Variants in RANBP2 observed in about 807,000 individuals in gnomAD.
RANBP2 encodes E3 SUMO-protein ligase RanBP2.
RANBP2 carries 57 observed loss-of-function variants against 303.6 expected under a neutral mutation model. That is an observed-to-expected ratio of 0.19 (90% CI 0.15 to 0.23). RANBP2 has a LOEUF of 0.23. Ranked by LOEUF, RANBP2 falls within the 10% of genes least tolerant of loss-of-function variation. RANBP2 has a pLI of 1.00. For missense variants in RANBP2, 3,138 were observed against 3,780.8 expected (o/e 0.83, Z 4.46); for synonymous variants, 1,167 against 1,301.5 (o/e 0.90, Z 2.23).
the RANBP2 span, among the ~76,000 whole-genome samples, chr2:109,424,015 G>A: frequency 5.3e-4 from 81 of 152,324 alleles, no homozygotes; most frequent in Middle Eastern, 6.8e-3. Flanking sequence ...CTGCAGGGCC[G>A]GTTGCAGTGG....
chr2:109,435,746 C>T, the RANBP2 span, among the ~76,000 whole-genome samples: 1 of 152,246 alleles, frequency 6.6e-6, no homozygotes, highest in Non-Finnish European at 1.5e-5. Flanking sequence ...AGTGACTCAT[C>T]ATTTGTGAGC....
At chr2:109,238,324 T>G in the RANBP2 span, among the ~76,000 whole-genome samples, 1 of 152,218 alleles carries the variant, frequency 6.6e-6, no homozygotes, top group South Asian at 2.1e-4. Context: ...TTTAAAAATC[T>G]TATAAATCTA....
At chr2:109,593,098 T>C in the RANBP2 span, 1 of 1,600,616 alleles carries the variant, frequency 6.2e-7, no homozygotes. Flanking sequence ...GTTGTTTTCG[T>C]TGCCATGTGA....
At chr2:109,419,666 G>A in the RANBP2 span, 18 of 1,550,432 alleles carry the variant, frequency 1.2e-5, no homozygotes, top group African/African-American at 1.4e-5. Flanking sequence ...TGTGTCTGTC[G>A]GGGTCCTGTG....
intron 7 of RANBP2, among the ~76,000 whole-genome samples, chr2:108,741,477 C>G (rs1458730066): frequency 7.6e-6 from 1 of 130,856 alleles, no homozygotes; most frequent in African/African-American, 2.9e-5. Context: ...ATTACAGGCG[C>G]AAGCCACTGC....
chr2:109,232,275 A>G, the RANBP2 span, among the ~76,000 whole-genome samples: 1 of 152,212 alleles, frequency 6.6e-6, no homozygotes, highest in South Asian at 2.1e-4. Flanking sequence ...GCCAACACAT[A>G]CTATGAACTG....
At chr2:108,728,001 C>G (rs1012642547) in intron 1 of RANBP2, among the ~76,000 whole-genome samples, 1 of 152,112 alleles carries the variant, frequency 6.6e-6, no homozygotes, top group Non-Finnish European at 1.5e-5. Flanking sequence ...TTATTTCTGC[C>G]TTTTTGACTC....
the RANBP2 span, among the ~76,000 whole-genome samples, chr2:108,829,484 G>C: frequency 6.6e-6 from 1 of 152,342 alleles, no homozygotes; most frequent in East Asian, 1.9e-4. Flanking sequence ...GGTGGCCCAT[G>C]CCTGTAATGC....
the RANBP2 span, among the ~76,000 whole-genome samples, chr2:109,079,524 A>G: frequency 6.6e-6 from 1 of 152,186 alleles, no homozygotes; most frequent in African/African-American, 2.4e-5. Flanking sequence ...CCTTAAATGT[A>G]TATACTTTCA....
the RANBP2 span, among the ~76,000 whole-genome samples, chr2:109,327,864 C>CT: frequency 6.6e-6 from 1 of 152,170 alleles, no homozygotes; most frequent in East Asian, 1.9e-4. Context: ...CATAAATTTT[C>CT]TTTTGTGTCA....
the RANBP2 span, chr2:108,876,152 A>G: frequency 3.0e-5 from 48 of 1,612,042 alleles, no homozygotes; most frequent in Non-Finnish European, 4.1e-5. Flanking sequence ...ACAAAGGACA[A>G]CAAACCCAGA....
chr2:108,898,165 A>T, the RANBP2 span, among the ~76,000 whole-genome samples: 1 of 152,172 alleles, frequency 6.6e-6, no homozygotes, highest in African/African-American at 2.4e-5. Context: ...TCCCCACTCT[A>T]TCCAGGGTAG....
chr2:109,029,187 T>C, the RANBP2 span, among the ~76,000 whole-genome samples: 1 of 152,148 alleles, frequency 6.6e-6, no homozygotes, highest in African/African-American at 2.4e-5. Flanking sequence ...TTATTGTTAT[T>C]ACTGTTAATA....
chr2:109,090,163 C>A, the RANBP2 span, among the ~76,000 whole-genome samples: 1 of 151,904 alleles, frequency 6.6e-6, no homozygotes, highest in African/African-American at 2.4e-5. Flanking sequence ...AACTTTCAGA[C>A]CTGGGTTTTG....
the RANBP2 span, among the ~76,000 whole-genome samples, chr2:109,148,310 G>A: frequency 1.3e-5 from 2 of 152,358 alleles, no homozygotes; most frequent in East Asian, 3.9e-4. Flanking sequence ...CACCGGGACG[G>A]TGTGCTGCAG....
At chr2:109,273,175 T>C in the RANBP2 span, among the ~76,000 whole-genome samples, 1 of 152,226 alleles carries the variant, frequency 6.6e-6, no homozygotes, top group Non-Finnish European at 1.5e-5. Context: ...AAGGCAGTGC[T>C]CATTAACTAG....
chr2:109,614,998 C>T, the RANBP2 span: 3 of 1,543,404 alleles, frequency 1.9e-6, no homozygotes, highest in South Asian at 2.4e-5. Flanking sequence ...ACTCCAGCCC[C>T]GGGGCCCAGC....
At chr2:109,615,241 C>T in the RANBP2 span, 4 of 1,550,628 alleles carry the variant, frequency 2.6e-6, no homozygotes, top group South Asian at 1.2e-5. Flanking sequence ...GCCTCGTCGT[C>T]CGCGGAGGAG....
intron 1 of RANBP2, among the ~76,000 whole-genome samples, chr2:108,728,481 G>A (rs1377294590): frequency 3.9e-5 from 6 of 151,952 alleles, no homozygotes; most frequent in Non-Finnish European, 7.4e-5. Flanking sequence ...CTGGAGACAG[G>A]ATCTTGTTGT....
Sources: allele counts gnomAD v4.1 joint callset (sites outside exome capture counted in the v4.1 genomes callset), GRCh38; gene constraint gnomAD v4.1.1; transcripts MANE v1.5; gene names NCBI Gene and HGNC (gene_info 2026-07-23, HGNC 2026-07-21).